Variants in ST3GAL1 observed in about 807,000 individuals in gnomAD.
ST3GAL1 encodes ST3 beta-galactoside alpha-2,3-sialyltransferase 1.
A neutral mutation model predicts 34.1 loss-of-function variants in ST3GAL1; 16 were observed. The ratio of observed to expected loss-of-function variants is 0.47; its 90% CI spans 0.32 to 0.71. The LOEUF is 0.71. ST3GAL1 is among the 30% of genes least tolerant of loss of function. ST3GAL1 has a pLI of 0.04. For missense variants in ST3GAL1, 353 were observed against 447.4 expected (o/e 0.79, Z 1.90); for synonymous variants, 191 against 184.7 (o/e 1.03, Z -0.28).
intron 2 of ST3GAL1, among the ~76,000 whole-genome samples, chr8:133,526,930 A>G (rs1276946772): frequency 1.3e-5 from 2 of 152,126 alleles, no homozygotes; most frequent in Non-Finnish European, 2.9e-5. Context: ...ATATCGCTGC[A>G]CTCAGTTCTC....
chr8:133,541,070 CATAT>C (rs377685012), intron 2 of ST3GAL1, among the ~76,000 whole-genome samples: 1 of 41,684 alleles, frequency 2.4e-5, no homozygotes, highest in Non-Finnish European at 4.4e-5. Context: ...TATATATAGA[CATAT>C]ATATAGACAT....
rs562435008 is a variant in ST3GAL1 at position 133,463,060 on chromosome 8, C to T, written c.729+354G>A. 2.0e-5 allele frequency among the ~76,000 whole-genome samples: 3 copies of T among 152,366 alleles called. No homozygotes were observed. The East Asian group carries it at 5.8e-4, about 29-fold the overall frequency. On this transcript the variant is annotated intron_variant, in intron 8 of 9. Coordinates refer to ENST00000522652, the MANE Select transcript of ST3GAL1 (RefSeq NM_173344.3). Reference sequence around the variant, plus strand: ...GAAAGAGATGGAGAAGCAGGAGGTGCAGCCTGGCTTTGAGAGTAATTCACA... The same window carrying T: ...GAAAGAGATGGAGAAGCAGGAGGTGTAGCCTGGCTTTGAGAGTAATTCACA...
Position 133,541,120 on chromosome 8 carries a change from T to TATATATATAGAGAG in ST3GAL1, c.-429+4653_-429+4654insCTCTCTATATATAT, listed in dbSNP as rs71299078. Among the ~76,000 whole-genome samples, 8 of 48,644 alleles carry TATATATATAGAGAG rather than the reference T, an allele frequency of 1.6e-4. 1 individual carries two copies. Among genetic ancestry groups the TATATATATAGAGAG allele is most frequent in the African/African-American group, 7.9e-4 (8 of 10,138 alleles). 31.9% of individuals were successfully genotyped at this position (48,644 alleles called of 152,430 possible). On this transcript the variant is annotated intron_variant, in intron 2 of 9. Coordinates refer to ENST00000522652, the MANE Select transcript of ST3GAL1 (RefSeq NM_173344.3). ...ACATATATATATATATATATATATA[T>TATATATATAGAGAG]AGAGAGAGAGAGAGAGAGAGAGAGA...
rs550763512 is a variant in ST3GAL1, at chr8:133,458,827, G to A, written c.*937C>T. 5.2e-4 allele frequency: 79 copies of A among 152,188 alleles called. No individual in the cohort carries two copies. Among genetic ancestry groups the A allele is most frequent in the African/African-American group, 1.9e-3 (77 of 41,510 alleles). 9.4% of individuals were successfully genotyped at this position (152,188 alleles called of 1,614,324 possible). ...GACTACTCAAAGGAACAACTGCTTG[G>A]GAAGAGGCATCTGCAGGAGTCAGAA... On this transcript the variant is annotated 3_prime_UTR_variant, in exon 10 of 10. Coordinates refer to ENST00000522652, the MANE Select transcript of ST3GAL1 (RefSeq NM_173344.3).
intron 2 of ST3GAL1, among the ~76,000 whole-genome samples, chr8:133,510,528 TCTC>T (rs1817473764): frequency 6.6e-6 from 1 of 152,154 alleles, no homozygotes; most frequent in East Asian, 1.9e-4. Context: ...CCCTCAGACT[TCTC>T]CTCTGTAAAA....
At position 133,467,314 on chromosome 8, in the gene ST3GAL1, C is replaced by T. The variant is rs1423570798; in HGVS notation, c.307-1224G>A. Among the ~76,000 whole-genome samples the T allele has an allele frequency of 6.6e-6, 1 of 152,202 alleles. No homozygotes were observed. Among genetic ancestry groups the T allele is most frequent in the East Asian group, 1.9e-4 (1 of 5,194 alleles). On this transcript the variant is annotated intron_variant, in intron 5 of 9. Coordinates refer to ENST00000522652, the MANE Select transcript of ST3GAL1 (RefSeq NM_173344.3). This position sits in a 1 kb window ranked among gnomAD's most constrained non-coding sequence, Gnocchi z 4.2. ...GCATGCCCAGGCCCGCCCGTCACCT[C>T]AGGTGGAGCTCTGGCCACACTATGT...
intron 1 of ST3GAL1, among the ~76,000 whole-genome samples, chr8:133,551,591 AAAGAAAGAAAG>A (rs1473052322): frequency 1.3e-5 from 2 of 151,022 alleles, no homozygotes; most frequent in Non-Finnish European, 2.9e-5. Flanking sequence ...AGAAAGAAAG[AAAGAAAGAAAG>A]AAAGAAAGAA....
chr8:133,483,852 C>G (rs1397164149), intron 3 of ST3GAL1, among the ~76,000 whole-genome samples: 1 of 152,158 alleles, frequency 6.6e-6, no homozygotes, highest in African/African-American at 2.4e-5. Context: ...CCTGAGTTTG[C>G]CACCAGCTTT....
At chr8:133,475,560 G>A (rs9643299) in intron 5 of ST3GAL1, among the ~76,000 whole-genome samples, 159 bp downstream of exon 5, 25,392 of 152,012 alleles carry the variant, frequency 0.17, 2,736 homozygotes, top group East Asian at 0.57. Context: ...AACTCTGAGA[G>A]CACCTCACTC....
intron 6 of ST3GAL1, 105 bp downstream of exon 6, chr8:133,465,789 C>G: frequency 7.6e-7 from 1 of 1,324,200 alleles, no homozygotes; most frequent in East Asian, 2.3e-5. Context: ...AGTTCAGTCC[C>G]AGGACTGAAC....
At chr8:133,562,516 C>T (rs1346466212) in intron 1 of ST3GAL1, among the ~76,000 whole-genome samples, 1 of 152,100 alleles carries the variant, frequency 6.6e-6, no homozygotes, top group Non-Finnish European at 1.5e-5. Flanking sequence ...CCTGAATCCA[C>T]ATCTTTATCT....
At chr8:133,503,803 G>T (rs1235685279) in intron 2 of ST3GAL1, among the ~76,000 whole-genome samples, 3 of 152,154 alleles carry the variant, frequency 2.0e-5, no homozygotes, top group Non-Finnish European at 4.4e-5. Context: ...AAAAAAACAT[G>T]CACTGCCCAC....
intron 1 of ST3GAL1, among the ~76,000 whole-genome samples, chr8:133,550,013 T>G (rs1818795890): frequency 6.6e-6 from 1 of 152,164 alleles, no homozygotes; most frequent in Non-Finnish European, 1.5e-5. Context: ...GCACCCCATG[T>G]GGGGCTCACC....
At chr8:133,505,280 C>T (rs534730076) in intron 2 of ST3GAL1, among the ~76,000 whole-genome samples, 5 of 152,130 alleles carry the variant, frequency 3.3e-5, no homozygotes, top group Admixed American at 6.5e-5. Context: ...GCTTACTCTC[C>T]AGTATCATAA....
chr8:133,510,384 T>C (rs1265523334), intron 2 of ST3GAL1, among the ~76,000 whole-genome samples: 1 of 152,168 alleles, frequency 6.6e-6, no homozygotes, highest in Non-Finnish European at 1.5e-5. Context: ...GGAAGCTTGG[T>C]GAATACCTGC....
intron 3 of ST3GAL1, among the ~76,000 whole-genome samples, chr8:133,492,108 A>T (rs1006021527): frequency 6.6e-6 from 1 of 152,078 alleles, no homozygotes; most frequent in African/African-American, 2.4e-5. Context: ...GGACGATACG[A>T]GGGGACACTG....
chr8:133,542,501 A>G (rs1370383255), intron 2 of ST3GAL1, among the ~76,000 whole-genome samples: 2 of 152,230 alleles, frequency 1.3e-5, no homozygotes, highest in East Asian at 3.9e-4. Flanking sequence ...AGGGCTGGGC[A>G]TGGTGGCTTA....
At chr8:133,541,902 G>A (rs1818546227) in intron 2 of ST3GAL1, among the ~76,000 whole-genome samples, 2 of 152,170 alleles carry the variant, frequency 1.3e-5, no homozygotes, top group Admixed American at 1.3e-4. Flanking sequence ...GGCGTTGATA[G>A]TGAGAGTAGA....
At chr8:133,507,633 G>C (rs1056085764) in intron 2 of ST3GAL1, among the ~76,000 whole-genome samples, 1 of 152,222 alleles carries the variant, frequency 6.6e-6, no homozygotes, top group African/African-American at 2.4e-5. Flanking sequence ...AAGAAAAGAA[G>C]ACGTATTGTT....
Sources: gnomAD v4.1 joint callset for allele counts (sites outside exome capture counted in the v4.1 genomes callset) on GRCh38, gnomAD v4.1.1 for gene constraint, Gnocchi (gnomAD v3.1) non-coding constraint, MANE v1.5 for transcripts, NCBI Gene and HGNC (gene_info 2026-07-23, HGNC 2026-07-21) for gene names.